PTPRT: variants seen among roughly 807,000 people sequenced by gnomAD.
The protein encoded by PTPRT is protein tyrosine phosphatase receptor type T.
Under a neutral mutation model 176.8 loss-of-function variants are expected in PTPRT, and 56 were observed. The observed-to-expected ratio is 0.32, with a 90% CI of 0.26 to 0.40. The LOEUF is 0.40. PTPRT is among the 10% of genes least tolerant of loss of function. PTPRT has a pLI of 1.00. For missense variants in PTPRT, 1,540 were observed against 1,908.2 expected (o/e 0.81, Z 3.60); for synonymous variants, 783 against 739.0 (o/e 1.06, Z -0.96).
intron 11 of PTPRT, among the ~76,000 whole-genome samples, chr20:42,341,440 C>T (rs535066385): frequency 4.6e-5 from 7 of 152,206 alleles, no homozygotes; most frequent in East Asian, 1.9e-4. Context: ...AAAAATTAAA[C>T]GATTCTTCCT....
At chr20:42,927,966 G>A (rs1165458217) in intron 1 of PTPRT, among the ~76,000 whole-genome samples, 1 of 152,244 alleles carries the variant, frequency 6.6e-6, no homozygotes, top group Non-Finnish European at 1.5e-5. Context: ...CTATACCCAT[G>A]CAGCCCACCT....
intron 11 of PTPRT, among the ~76,000 whole-genome samples, chr20:42,346,273 C>G (rs2058193630): frequency 6.6e-6 from 1 of 152,160 alleles, no homozygotes; most frequent in Non-Finnish European, 1.5e-5. Flanking sequence ...GAACCTGGGG[C>G]TCTGCCCCCA....
chr20:43,092,804 G>A (rs959196605), intron 1 of PTPRT, among the ~76,000 whole-genome samples: 6 of 152,212 alleles, frequency 3.9e-5, no homozygotes, highest in Admixed American at 6.5e-5. Context: ...CCAGTTCACT[G>A]TAATAGACAT....
chr20:42,454,540 T>C (rs2070887701), intron 8 of PTPRT, among the ~76,000 whole-genome samples: 1 of 152,242 alleles, frequency 6.6e-6, no homozygotes, highest in Non-Finnish European at 1.5e-5. Context: ...ATCTAGTAAG[T>C]GTAAAACAAT....
intron 1 of PTPRT, among the ~76,000 whole-genome samples, chr20:43,090,268 C>T (rs2011769997): frequency 6.7e-6 from 1 of 149,898 alleles, no homozygotes; most frequent in South Asian, 2.1e-4. Flanking sequence ...GAACAGGTGA[C>T]TATTTTTTTT....
At chr20:42,052,687 T>C in the PTPRT span, among the ~76,000 whole-genome samples, 1 of 152,274 alleles carries the variant, frequency 6.6e-6, no homozygotes, top group Admixed American at 6.5e-5. Flanking sequence ...CTCACCTCAG[T>C]CTCAGGTGCT....
At chr20:42,238,485 CA>C (rs2056288417) in intron 14 of PTPRT, among the ~76,000 whole-genome samples, 1 of 152,184 alleles carries the variant, frequency 6.6e-6, no homozygotes, top group Non-Finnish European at 1.5e-5. Flanking sequence ...CTTCACCAGC[CA>C]TACACGTTAG....
At chr20:42,620,521 C>T (rs1334105064) in intron 7 of PTPRT, among the ~76,000 whole-genome samples, 4 of 149,548 alleles carry the variant, frequency 2.7e-5, no homozygotes, top group South Asian at 2.1e-4. Flanking sequence ...TGGGCAATGG[C>T]GGGCGCCCCT....
chr20:43,072,929 A>T (rs777461353), intron 1 of PTPRT, among the ~76,000 whole-genome samples: 15 of 152,184 alleles, frequency 9.9e-5, no homozygotes, highest in Non-Finnish European at 2.2e-4. Flanking sequence ...CAAGCTCAAA[A>T]ACTGGTCCAG....
rs1988017974 is a variant in PTPRT at position 42,129,356 on chromosome 20, A to G, written c.2771-526T>C. ...TCATTAAAGTGAGGCTGACTAAATC[A>G]TTATAAAAGAGGTCATCAATAACTA... On this transcript the variant is annotated intron_variant, in intron 18 of 30. Transcript: ENST00000373187. Among the ~76,000 whole-genome samples the G allele has an allele frequency of 2.0e-5, 3 of 152,236 alleles. No homozygotes were observed. In the South Asian group the frequency reaches 6.2e-4, roughly 32 times the overall value.
chr20:42,934,738 G>T (rs543949023), intron 1 of PTPRT, among the ~76,000 whole-genome samples: 1 of 152,218 alleles, frequency 6.6e-6, no homozygotes, highest in East Asian at 1.9e-4. Flanking sequence ...AAATGAGAGG[G>T]TAAGAGAAAG....
chr20:42,554,135 CAG>C (rs903679924), intron 7 of PTPRT, among the ~76,000 whole-genome samples: 7 of 152,138 alleles, frequency 4.6e-5, no homozygotes, highest in Non-Finnish European at 1.0e-4. Context: ...TAATTGCCTA[CAG>C]AGAGTCCTTG....
intron 1 of PTPRT, among the ~76,000 whole-genome samples, chr20:43,188,925 C>A (rs1297707999): frequency 2.0e-5 from 3 of 152,188 alleles, no homozygotes; most frequent in Admixed American, 2.0e-4. Flanking sequence ...ACCGCCTTCC[C>A]GTGGCCAAAC....
chr20:42,488,736 G>A (rs230160), intron 7 of PTPRT, among the ~76,000 whole-genome samples: 10,209 of 152,050 alleles, frequency 0.067, 446 homozygotes, highest in Middle Eastern at 0.11. Context: ...AGGCCGAGGC[G>A]GGTGGATCAC....
At chr20:42,185,278 T>C (rs1346175382) in intron 16 of PTPRT, among the ~76,000 whole-genome samples, 5 of 152,156 alleles carry the variant, frequency 3.3e-5, no homozygotes, top group Admixed American at 6.5e-5. Context: ...ATATGCTTCT[T>C]TCCTTTACTA....
intron 9 of PTPRT, among the ~76,000 whole-genome samples, chr20:42,443,189 G>T (rs2059333915): frequency 6.6e-6 from 1 of 152,200 alleles, no homozygotes; most frequent in African/African-American, 2.4e-5. Flanking sequence ...CAGACCAGTT[G>T]ATATTCCCTT....
At chr20:42,609,479 C>T (rs1488187016) in intron 7 of PTPRT, among the ~76,000 whole-genome samples, 1 of 152,176 alleles carries the variant, frequency 6.6e-6, no homozygotes, top group African/African-American at 2.4e-5. Flanking sequence ...ACTGAAGCCA[C>T]GAGAGGACAC....
At chr20:42,082,447 C>G (rs1983429610) in intron 29 of PTPRT, among the ~76,000 whole-genome samples, 1 of 152,156 alleles carries the variant, frequency 6.6e-6, no homozygotes, top group South Asian at 2.1e-4. Flanking sequence ...TGCTCTGGGT[C>G]CACTTAAACA....
chr20:42,377,024 G>T (rs967980154), intron 9 of PTPRT, among the ~76,000 whole-genome samples: 1 of 152,204 alleles, frequency 6.6e-6, no homozygotes, highest in African/African-American at 2.4e-5. Flanking sequence ...CATAGAAAGA[G>T]AGGGAGCAAG....
Sources: gnomAD v4.1 joint callset for allele counts (sites outside exome capture counted in the v4.1 genomes callset) on GRCh38, gnomAD v4.1.1 for gene constraint, MANE v1.5 for transcripts, NCBI Gene and HGNC (gene_info 2026-07-23, HGNC 2026-07-21) for gene names.